AGMO: variants seen among roughly 807,000 people sequenced by gnomAD.
AGMO encodes glyceryl-ether monooxygenase.
Under a neutral mutation model 60.2 loss-of-function variants are expected in AGMO, and 75 were observed. That is an observed-to-expected ratio of 1.25 (90% CI 1.03 to 1.51). The LOEUF (loss-of-function observed/expected upper bound fraction) is 1.51, where lower values mean the gene tolerates loss of function less well. AGMO is among the 40% of genes most tolerant of loss of function. The pLI, the probability that AGMO is intolerant of heterozygous loss-of-function variation, is 0.00. For missense variants in AGMO, 763 were observed against 525.5 expected, an observed-to-expected ratio of 1.45 and a Z score of -4.42; for synonymous variants, 261 against 177.1, an observed-to-expected ratio of 1.47 and a Z score of -3.76.
At chr7:15,268,689 T>C (rs1249873529) in intron 12 of AGMO, among the ~76,000 whole-genome samples, 2 of 145,398 alleles carry the variant, frequency 1.4e-5, no homozygotes, top group Admixed American at 1.3e-4. Flanking sequence ...TCAAATAAAG[T>C]TGTTCTTTTT....
At chr7:15,361,005 C>G (rs1227070732) in intron 12 of AGMO, among the ~76,000 whole-genome samples, 2 of 152,098 alleles carry the variant, frequency 1.3e-5, no homozygotes, top group African/African-American at 4.8e-5. Context: ...GTGATGCCAG[C>G]CAGCTATAGC....
intron 3 of AGMO, among the ~76,000 whole-genome samples, chr7:15,438,632 C>T (rs954214638): frequency 1.3e-5 from 2 of 152,072 alleles, no homozygotes; most frequent in African/African-American, 4.8e-5. Context: ...TTCACGGTCT[C>T]GCTGTTCCTC....
chr7:15,448,506 C>T (rs559342043), intron 3 of AGMO, among the ~76,000 whole-genome samples: 2 of 152,044 alleles, frequency 1.3e-5, no homozygotes, highest in African/African-American at 4.8e-5. Context: ...TATAGTAGTG[C>T]AAAGGGACTA....
chr7:15,481,017 T>A (rs1382079137), intron 3 of AGMO, among the ~76,000 whole-genome samples: 1 of 140,806 alleles, frequency 7.1e-6, no homozygotes, highest in Non-Finnish European at 1.5e-5. Flanking sequence ...CATTAACATG[T>A]TTATATACAT....
At chr7:15,447,561 T>C in intron 3 of AGMO, among the ~76,000 whole-genome samples, 1 of 151,444 alleles carries the variant, frequency 6.6e-6, no homozygotes, top group African/African-American at 2.4e-5. Context: ...TTCTTTTTTC[T>C]TTTTTTTTAG....
At chr7:15,135,649 T>C in the AGMO span, among the ~76,000 whole-genome samples, 5 of 152,166 alleles carry the variant, frequency 3.3e-5, no homozygotes, top group Non-Finnish European at 7.4e-5. Flanking sequence ...TTATATCTGA[T>C]ACCAAAGTCC....
At chr7:15,222,742 G>A (rs1781959415) in intron 12 of AGMO, among the ~76,000 whole-genome samples, 1 of 151,846 alleles carries the variant, frequency 6.6e-6, no homozygotes, top group Admixed American at 6.6e-5. Flanking sequence ...TTTTCCATAT[G>A]TGGTTTCCCC....
the AGMO span, among the ~76,000 whole-genome samples, chr7:15,123,675 A>G: frequency 1.3e-5 from 2 of 152,090 alleles, no homozygotes; most frequent in Non-Finnish European, 2.9e-5. Context: ...CATGAACATA[A>G]GATAAATTAG....
At chr7:15,329,060 C>T (rs750393904) in intron 12 of AGMO, among the ~76,000 whole-genome samples, 29 of 152,142 alleles carry the variant, frequency 1.9e-4, no homozygotes, top group Non-Finnish European at 4.0e-4. Flanking sequence ...TCCTCCCCTG[C>T]ACCTCAAAAG....
the AGMO span, among the ~76,000 whole-genome samples, chr7:15,161,328 A>G: frequency 6.6e-6 from 1 of 152,084 alleles, no homozygotes; most frequent in African/African-American, 2.4e-5. Context: ...AAGAAAGAGC[A>G]AATTCTGCCT....
chr7:15,351,562 TGTACATC>T (rs1049535053), intron 12 of AGMO, among the ~76,000 whole-genome samples: 1 of 152,178 alleles, frequency 6.6e-6, no homozygotes, highest in East Asian at 1.9e-4. Context: ...GTGCGTATCA[TGTACATC>T]GTATCTTGTA....
intron 5 of AGMO, among the ~76,000 whole-genome samples, chr7:15,408,555 G>A (rs183900512): frequency 2.6e-5 from 4 of 151,932 alleles, no homozygotes; most frequent in African/African-American, 9.6e-5. Flanking sequence ...GAATGGCTGT[G>A]TTATTAACAA....
At chr7:15,327,640 A>C (rs1196683154) in intron 12 of AGMO, among the ~76,000 whole-genome samples, 2 of 151,870 alleles carry the variant, frequency 1.3e-5, no homozygotes, top group Non-Finnish European at 2.9e-5. Context: ...ACAATGGGAG[A>C]CTATATAGGA....
At chr7:15,535,201 G>A (rs980196872) in intron 3 of AGMO, among the ~76,000 whole-genome samples, 16 of 151,744 alleles carry the variant, frequency 1.1e-4, no homozygotes, top group Non-Finnish European at 2.2e-4. Flanking sequence ...CCTGTCTCTC[G>A]GGGATGGATT....
At chr7:15,365,687 T>C (rs762569618) in intron 11 of AGMO, 68 bp from the exon 12 acceptor site, 72 of 1,034,708 alleles carry the variant, frequency 7.0e-5, no homozygotes, top group Non-Finnish European at 9.7e-5. Flanking sequence ...ATGTTATAAT[T>C]AATATAAACT....
At chr7:15,247,453 C>CAGAGAGAG (rs1456242367) in intron 12 of AGMO, among the ~76,000 whole-genome samples, 65 of 117,584 alleles carry the variant, frequency 5.5e-4, no homozygotes, top group South Asian at 8.6e-4. Flanking sequence ...CACACACACA[C>CAGAGAGAG]ACACACAGAG....
chr7:15,560,774 CAT>C, intron 1 of AGMO, among the ~76,000 whole-genome samples: 5 of 152,162 alleles, frequency 3.3e-5, no homozygotes, highest in Admixed American at 3.3e-4. Flanking sequence ...GGTAATTTTA[CAT>C]GTTTGCTTAA....
chr7:15,476,543 T>C (rs574764269), intron 3 of AGMO, among the ~76,000 whole-genome samples: 11 of 152,212 alleles, frequency 7.2e-5, no homozygotes, highest in Admixed American at 7.2e-4. Context: ...CTTCTCAAAG[T>C]TGAGAGAAAA....
intron 12 of AGMO, among the ~76,000 whole-genome samples, chr7:15,312,161 G>A (rs955874419): frequency 2.0e-5 from 3 of 152,032 alleles, no homozygotes; most frequent in East Asian, 1.9e-4. Context: ...TGTAATTAGA[G>A]TTCCAAAAGG....
Sources: gnomAD v4.1 joint callset for allele counts (sites outside exome capture counted in the v4.1 genomes callset) on GRCh38, gnomAD v4.1.1 for gene constraint, MANE v1.5 for transcripts, NCBI Gene and HGNC (gene_info 2026-07-23, HGNC 2026-07-21) for gene names.